Variants in NCOR2 observed in about 807,000 individuals in gnomAD.
NCOR2 encodes nuclear receptor corepressor 2.
Under a neutral mutation model 262.9 loss-of-function variants are expected in NCOR2, and 81 were observed. That is an observed-to-expected ratio of 0.31 (90% confidence interval 0.26 to 0.37). The LOEUF is 0.37. Among genes scored for constraint, NCOR2 ranks in the 10% least tolerant of loss-of-function variants. The probability of loss-of-function intolerance (pLI) is 1.00; values close to 1 mark genes in which losing one functional copy is unlikely to be tolerated. For synonymous variants in NCOR2, 1,659 were observed against 1,559.3 expected, an observed-to-expected ratio of 1.06 and a Z score of -1.51; for missense variants, 3,385 against 3,621.4, an observed-to-expected ratio of 0.93 and a Z score of 1.68.
At position 124,554,090 on chromosome 12, in the gene NCOR2, T is replaced by C. The variant is rs566497935; in HGVS notation, c.-165+13218A>G. Among the ~76,000 whole-genome samples the C allele has an allele frequency of 7.2e-5, 11 of 152,374 alleles. No individual in the cohort carries two copies. In the South Asian group the frequency reaches 1.4e-3, roughly 20 times the overall value. On this transcript the variant is annotated intron_variant, in intron 1 of 32. Coordinates refer to the NCOR2 transcript ENST00000458234. ...GGCCAAAAAGGAACAGGGTGAGCCC[T>C]GCCCCATAAGCACATAATGGCGTGA...
chr12:124,417,950 A>G (rs2042997192), intron 13 of NCOR2, among the ~76,000 whole-genome samples: 1 of 151,860 alleles, frequency 6.6e-6, no homozygotes, highest in Non-Finnish European at 1.5e-5. Flanking sequence ...AATGCCGCCT[A>G]CTTGGGAGGC....
intron 1 of NCOR2, chr12:124,514,003 C>T (rs539583019): frequency 5.9e-5 from 9 of 152,256 alleles, no homozygotes; most frequent in Non-Finnish European, 1.0e-4. Flanking sequence ...CAACTGTCTC[C>T]TAAGTGCCTG....
At chr12:124,345,689 A>G (rs542976070) in intron 31 of NCOR2, among the ~76,000 whole-genome samples, 5 of 152,320 alleles carry the variant, frequency 3.3e-5, no homozygotes, top group African/African-American at 1.2e-4. Flanking sequence ...GGATGCTTCC[A>G]AGGACTCCAT....
exon 24 of NCOR2, chr12:124,355,494 G>A (rs1243490006): frequency 6.2e-7 from 1 of 1,611,262 alleles, no homozygotes; most frequent in Non-Finnish European, 8.5e-7. Flanking sequence ...GAGATGAGGG[G>A]AGGCGGGTTG....
At chr12:124,421,910 G>A (rs983636208) in intron 12 of NCOR2, among the ~76,000 whole-genome samples, 5 of 152,208 alleles carry the variant, frequency 3.3e-5, no homozygotes, top group African/African-American at 4.8e-5. Flanking sequence ...GAGCTGCTCC[G>A]GGCCTGGGCT....
In NCOR2 at chr12:124,449,787, G is replaced by A. The variant is rs765971356; in HGVS notation, c.815+28C>T. On this transcript the variant is annotated intron_variant, in intron 7 of 46. Transcript: ENST00000405201. Reference sequence around the variant, plus strand: ...CTGCTCGCCCACCCTGCCTCTGTGTGTCTGCACGGCTGCCCGCGAGCACTC... The same window carrying A: ...CTGCTCGCCCACCCTGCCTCTGTGTATCTGCACGGCTGCCCGCGAGCACTC... 3 of 1,613,188 alleles carry A rather than the reference G, an allele frequency of 1.9e-6. No individual in the cohort carries two copies. The East Asian group carries it at 6.7e-5, about 36-fold the overall frequency.
chr12:124,344,651 G>C, exon 32 of NCOR2: 1 of 1,483,652 alleles, frequency 6.7e-7, no homozygotes, highest in East Asian at 2.5e-5. Flanking sequence ...CCTCGTGGGA[G>C]GTGGCCGGCA....
chr12:124,524,876 T>C (rs2050379080), intron 1 of NCOR2, among the ~76,000 whole-genome samples: 1 of 152,322 alleles, frequency 6.6e-6, no homozygotes, highest in East Asian at 1.9e-4. Context: ...ACTCCCCCTC[T>C]GGATACTAAA....
intron 21 of NCOR2, among the ~76,000 whole-genome samples, chr12:124,362,501 CCGG>C (rs1210787785): frequency 2.0e-5 from 3 of 151,898 alleles, no homozygotes; most frequent in African/African-American, 7.3e-5. Flanking sequence ...GCCCAGCTGC[CCGG>C]TGGTGAACAG....
At chr12:124,369,789 G>A (rs3782254) in intron 20 of NCOR2, among the ~76,000 whole-genome samples, 10 of 152,128 alleles carry the variant, frequency 6.6e-5, no homozygotes, top group Non-Finnish European at 1.3e-4. Flanking sequence ...AGGGGTGGAC[G>A]TACGCCAGGC....
At chr12:124,444,088 G>A (rs563967443) in intron 7 of NCOR2, among the ~76,000 whole-genome samples, 299 of 152,180 alleles carry the variant, frequency 2.0e-3, no homozygotes, top group African/African-American at 6.9e-3. Flanking sequence ...TGATGCCCAC[G>A]TGTTCAACAT....
In NCOR2 at chr12:124,342,088, G is replaced by C; in HGVS notation, c.4937-14C>G. 1 of 1,598,092 alleles carries C rather than the reference G, an allele frequency of 6.3e-7. No individual in the cohort carries two copies. Among genetic ancestry groups the C allele is most frequent in the South Asian group, 1.1e-5 (1 of 89,952 alleles). On this transcript the variant is annotated splice_polypyrimidine_tract_variant and intron_variant, in intron 33 of 46. Coordinates refer to ENST00000405201, the Ensembl canonical transcript of NCOR2. Reference sequence around the variant, plus strand: ...AGTAGGCAGCGGCTGCGGGGCAGAGGGGAGCTCATGTGAGGCCAGCCATAC... The same window carrying C: ...AGTAGGCAGCGGCTGCGGGGCAGAGCGGAGCTCATGTGAGGCCAGCCATAC...
intron 7 of NCOR2, among the ~76,000 whole-genome samples, chr12:124,441,776 C>CT (rs1001467782): frequency 2.6e-5 from 4 of 152,350 alleles, no homozygotes; most frequent in South Asian, 4.1e-4. Flanking sequence ...AGGGATAACT[C>CT]TAAGGCGACA....
At chr12:124,558,424 T>TG (rs1465228587) in intron 1 of NCOR2, among the ~76,000 whole-genome samples, 1 of 152,214 alleles carries the variant, frequency 6.6e-6, no homozygotes, top group Non-Finnish European at 1.5e-5. Context: ...TGGGAAGCCC[T>TG]GCAGGCTGAT....
intron 22 of NCOR2, among the ~76,000 whole-genome samples, chr12:124,359,077 A>G (rs994428930): frequency 6.6e-6 from 1 of 152,142 alleles, no homozygotes; most frequent in Non-Finnish European, 1.5e-5. Context: ...GCCTGGGGAG[A>G]TCCTGTAAAC....
At chr12:124,332,456 G>C (rs368706721) in exon 43 of NCOR2, 5 of 1,614,068 alleles carry the variant, frequency 3.1e-6, no homozygotes, top group Non-Finnish European at 4.2e-6. Context: ...TGGAGACTTG[G>C]AGCCCATCCT....
chr12:124,407,539 A>G (rs1244055), intron 13 of NCOR2, among the ~76,000 whole-genome samples: 146,960 of 152,218 alleles, frequency 0.97, 71,165 homozygotes, highest in East Asian at 1. Context: ...CAGGGGTCGC[A>G]GGGAGTCACA....
chr12:124,487,028 G>A (rs2047799984), intron 1 of NCOR2, among the ~76,000 whole-genome samples: 1 of 152,210 alleles, frequency 6.6e-6, no homozygotes, highest in East Asian at 1.9e-4. Context: ...GCCAGGCTGT[G>A]GGTCCCTCCA....
chr12:124,549,765 C>G lies in NCOR2; in HGVS notation c.-164-14154G>C, dbSNP rs1378789450. Among the ~76,000 whole-genome samples the G allele has an allele frequency of 1.3e-5, 2 of 152,184 alleles. No homozygotes were observed. ...ATCACCAGCAACCCCTCAAGATAAC[C>G]TTATCACGTTTCACGGAGGGAGAGA... On this transcript the variant is annotated intron_variant, in intron 1 of 32. Transcript: ENST00000458234. This position sits in a 1 kb window ranked among gnomAD's most constrained non-coding sequence, Gnocchi z 4.4.
Sources: allele counts gnomAD v4.1 joint callset (sites outside exome capture counted in the v4.1 genomes callset), GRCh38; gene constraint gnomAD v4.1.1; non-coding constraint Gnocchi (gnomAD v3.1); transcripts MANE v1.5; gene names NCBI Gene and HGNC (gene_info 2026-07-23, HGNC 2026-07-21).